The following MAB21L1 variants were observed in gnomAD, a reference collection of about 807,000 sequenced individuals.
MAB21L1 encodes the protein mab-21 like 1.
A neutral mutation model predicts 28.9 loss-of-function variants in MAB21L1; 8 were observed. The ratio of observed to expected loss-of-function variants is 0.28; its 90% CI spans 0.16 to 0.50. The LOEUF is 0.50. Among genes scored for constraint, MAB21L1 ranks in the 20% least tolerant of loss-of-function variants. The pLI is 0.98. For missense variants in MAB21L1, 388 were observed against 466.5 expected, an observed-to-expected ratio of 0.83 and a Z score of 1.55; for synonymous variants, 219 against 198.2, an observed-to-expected ratio of 1.10 and a Z score of -0.88.
In MAB21L1 at chr13:35,476,123, C is replaced by T. The variant is rs749061799; in HGVS notation, c.16G>A (p.Ala6Thr). 40 of 1,613,956 alleles carry T rather than the reference C, an allele frequency of 2.5e-5. No individual in the cohort carries two copies. The African/African-American group carries it at 4.9e-4, about 20-fold the overall frequency. MIAAQ[A>T]KLVYHLNKYY... ...TTATTCAGATGGTAGACCAGCTTGGCCTGGGCCGCAATCATGTTGGGGCAG... is the reference window on the plus strand; with the variant it reads ...TTATTCAGATGGTAGACCAGCTTGGTCTGGGCCGCAATCATGTTGGGGCAG... The change falls in exon 1 of 1, where the codon GCC (alanine) becomes ACC (threonine). Residue 6 changes from alanine to threonine, a missense_variant. Physicochemically the swap from Ala to Thr is moderately conservative, Grantham distance 58. This residue lies in a region of MAB21L1 where 89 missense variants were observed against 92.2 expected (regional missense o/e 0.97). Coordinates refer to ENST00000379919, the MANE Select transcript of MAB21L1 (RefSeq NM_005584.5).
chr13:35,476,484 C>G lies in MAB21L1; in HGVS notation c.-346G>C, dbSNP rs2075879340. 1 of 746,236 alleles carries G rather than the reference C, an allele frequency of 1.3e-6. No homozygotes were observed. The highest frequency in any genetic ancestry group is 2.2e-6 in the Non-Finnish European group (1 of 444,990). The allele number at this position is 746,236 out of a possible 1,614,324, so 46.2% of individuals were successfully genotyped here. A position where few individuals can be genotyped will look rare whatever the true frequency, so the allele number is the denominator to read the frequency against. On this transcript the variant is annotated 5_prime_UTR_variant, in exon 1 of 1. Transcript: ENST00000379919. ...GAACCGCATGGAGAGATCACCTTCT[C>G]AGGAATAAAAAACAAAAGTTGCGCT...
chr13:35,475,582 TG>T lies in MAB21L1; in HGVS notation c.556del (p.His186ThrfsTer72). 1 of 1,613,342 alleles carries T rather than the reference TG, an allele frequency of 6.2e-7. No individual in the cohort carries two copies. Among genetic ancestry groups the T allele is most frequent in the Non-Finnish European group, 8.5e-7 (1 of 1,179,888 alleles). On this transcript the variant is annotated frameshift_variant, in exon 1 of 1. Transcript: ENST00000379919. LOFTEE classifies it high-confidence loss of function. The stretch of plus-strand genomic sequence containing the variant: ...CCAGGGGATGTGGGGAAGTGGCCAG[TG>T]GGCAGCACTCCTCGGCCAGATCCCG... ...CTGIWPRSAA[H>X]WPLPHIPWPG...
Position 35,475,943 on chromosome 13 carries a change from G to T in MAB21L1, c.196C>A (p.Leu66Ile). 1.2e-6 allele frequency: 2 copies of T among 1,614,112 alleles called. No homozygotes were observed. Among genetic ancestry groups the T allele is most frequent in the South Asian group, 2.2e-5 (2 of 91,080 alleles). The change falls in exon 1 of 1, where the codon CTC becomes ATC. Residue 66 changes from leucine to isoleucine, a missense_variant. By Grantham distance (5) the Leu-to-Ile change is conservative. This residue lies in a region of MAB21L1 where 89 missense variants were observed against 92.2 expected (regional missense o/e 0.97). Transcript: ENST00000379919. ...AATTCGGTGGGGGAGATGACCTCGAGGCCCTCGTAGCGATTGTCCATCTCG... is the reference window on the plus strand; with the variant it reads ...AATTCGGTGGGGGAGATGACCTCGATGCCCTCGTAGCGATTGTCCATCTCG... ...LNEMDNRYEG[L>I]EVISPTEFEV...
Position 35,476,092 on chromosome 13 carries a change from T to C in MAB21L1, c.47A>G (p.Tyr16Cys). 6.2e-7 allele frequency: 1 copy of C among 1,614,188 alleles called. No individual in the cohort carries two copies. Among genetic ancestry groups the C allele is most frequent in the Non-Finnish European group, 8.5e-7 (1 of 1,180,038 alleles). Residue 16 changes from tyrosine (Y) to cysteine (C), a missense_variant, in exon 1 of 1, where the codon TAC becomes TGC. By Grantham distance (194) the Tyr-to-Cys change is radical (BLOSUM62 -2). Around this residue, in one of 3 missense-constraint regions of MAB21L1, gnomAD observed 89 missense variants for 92.2 expected, o/e 0.97. Coordinates refer to ENST00000379919, the MANE Select transcript of MAB21L1 (RefSeq NM_005584.5). ...AKLVYHLNKY[Y>C]NEKCQARKAA... is the part of the protein sequence containing the mutation. ...TTTCCTGGCTTGGCATTTTTCGTTG[T>C]AGTATTTATTCAGATGGTAGACCAG...
At position 35,475,074 on chromosome 13, in the gene MAB21L1, A is replaced by C; in HGVS notation, c.1065T>G (p.Ser355Arg). The C allele has an allele frequency of 6.2e-7, 1 of 1,610,882 alleles. No individual in the cohort carries two copies. The highest frequency in any genetic ancestry group is 8.5e-7 in the Non-Finnish European group (1 of 1,178,512). The change falls in exon 1 of 1, where the codon AGT (serine) becomes AGG (arginine). Residue 355 changes from serine (S) to arginine (R), a missense_variant. By Grantham distance (110) the Ser-to-Arg change is moderately radical. This residue lies in a region of MAB21L1 where 218 missense variants were observed against 220.6 expected (regional missense o/e 0.99). Coordinates refer to ENST00000379919, the MANE Select transcript of MAB21L1 (RefSeq NM_005584.5). ...AAATCATCCTCTAAAGTTTTTCCAA[A>C]CTTTTCGGGTTGGTCAGGATCTCTC... ...LAREILTNPK[S>R]LEKL
chr13:35,476,627 G>T lies in MAB21L1; in HGVS notation c.-489C>A. On this transcript the variant is annotated 5_prime_UTR_variant, in exon 1 of 1. Coordinates refer to ENST00000379919, the MANE Select transcript of MAB21L1 (RefSeq NM_005584.5). ...TAATCAAATGGAGGAAAAGTGTGCT[G>T]AGTGTGTGTCCGGGGTGAGTGTGCG... The T allele has an allele frequency of 2.0e-6, 1 of 505,402 alleles. No individual in the cohort carries two copies. Among genetic ancestry groups the T allele is most frequent in the Non-Finnish European group, 3.6e-6 (1 of 281,128 alleles). 31.3% of individuals were successfully genotyped at this position (505,402 alleles called of 1,614,324 possible). A position where few individuals can be genotyped will look rare whatever the true frequency, so the allele number is the denominator to read the frequency against.
Position 35,474,913 on chromosome 13 carries a change from T to G in MAB21L1, c.*146A>C. On this transcript the variant is annotated 3_prime_UTR_variant, in exon 1 of 1. Coordinates refer to ENST00000379919, the MANE Select transcript of MAB21L1 (RefSeq NM_005584.5). ...TCTCCCCTTGTGGGGGTGGGTGAGA[T>G]GATGTTTAAATATTGTATTATTATT... The G allele has an allele frequency of 3.9e-6, 4 of 1,016,418 alleles. No homozygotes were observed. In the South Asian group the frequency reaches 5.3e-5, roughly 13 times the overall value. The allele number at this position is 1,016,418 out of a possible 1,614,324, so 63.0% of individuals were successfully genotyped here.
In MAB21L1 at chr13:35,474,989, T is replaced by C; in HGVS notation, c.*70A>G. The C allele has an allele frequency of 6.7e-7, 1 of 1,489,016 alleles. No individual in the cohort carries two copies. Among genetic ancestry groups the C allele is most frequent in the Non-Finnish European group, 9.1e-7 (1 of 1,099,696 alleles). 92.2% of individuals were successfully genotyped at this position (1,489,016 alleles called of 1,614,324 possible). ...CACTGCGGAGTGGAATATTAGGAAT[T>C]GAACAGAAGTTTACACTTAATAAGG... On this transcript the variant is annotated 3_prime_UTR_variant, in exon 1 of 1. Transcript: ENST00000379919.
chr13:35,475,753 C>A lies in MAB21L1; in HGVS notation c.386G>T (p.Arg129Leu), dbSNP rs2075835447. 6.2e-7 allele frequency: 1 copy of A among 1,613,796 alleles called. No individual in the cohort carries two copies. The highest frequency in any genetic ancestry group is 8.5e-7 in the Non-Finnish European group (1 of 1,179,978). The change falls in exon 1 of 1, where the codon CGG (arginine) becomes CTG (leucine). Residue 129 changes from arginine to leucine, a missense_variant. By Grantham distance (102) the Arg-to-Leu change is moderately radical. This residue lies in a region of MAB21L1 where 81 missense variants were observed against 153.7 expected (regional missense o/e 0.53). Coordinates refer to ENST00000379919, the MANE Select transcript of MAB21L1 (RefSeq NM_005584.5). ...ASGYLSARKI[R>L]SRFQTLVAQA... ...AGCCACCAGCGTCTGAAACCTGGAC[C>A]GGATTTTGCGCGCCGAGAGGTAGCC...
In MAB21L1 at chr13:35,475,523, C is replaced by A; in HGVS notation, c.616G>T (p.Glu206Ter). The A allele has an allele frequency of 6.2e-7, 1 of 1,612,814 alleles. No homozygotes were observed. Among genetic ancestry groups the A allele is most frequent in the Non-Finnish European group, 8.5e-7 (1 of 1,179,958 alleles). Residue 206 changes from glutamate (E) to a stop codon, truncating the protein, a stop_gained, in exon 1 of 1, where the codon GAA becomes TAA. Coordinates refer to ENST00000379919, the MANE Select transcript of MAB21L1 (RefSeq NM_005584.5). LOFTEE classifies it high-confidence loss of function. ...TCCTTGGACAAGAGATTGAAACCTTCCGCCTTGACCTCCGCCACCCGGTTG... is the reference window on the plus strand; with the variant it reads ...TCCTTGGACAAGAGATTGAAACCTTACGCCTTGACCTCCGCCACCCGGTTG... ...GPNRVAEVKA[E>*]GFNLLSKECH...
chr13:35,475,829 C>T lies in MAB21L1; in HGVS notation c.310G>A (p.Asp104Asn). Reference sequence around the variant, plus strand: ...AGGGACATGCTCCTCTTGCGCCCGTCGCTCAACTTCAGCACCGCGCAGCCG... The same window carrying T: ...AGGGACATGCTCCTCTTGCGCCCGTTGCTCAACTTCAGCACCGCGCAGCCG... ...LPGCAVLKLS[D>N]GRKRSMSLWV... is the part of the protein sequence containing the mutation. Residue 104 changes from aspartate to asparagine, a missense_variant, in exon 1 of 1, where the codon GAC becomes AAC. Around this residue, in one of 3 missense-constraint regions of MAB21L1, gnomAD observed 81 missense variants for 153.7 expected, o/e 0.53. Transcript: ENST00000379919. The T allele has an allele frequency of 6.2e-7, 1 of 1,614,034 alleles. No homozygotes were observed. Among genetic ancestry groups the T allele is most frequent in the Non-Finnish European group, 8.5e-7 (1 of 1,180,020 alleles).
chr13:35,476,169 A>G lies in MAB21L1; in HGVS notation c.-31T>C, dbSNP rs764314632. ...GGCAGAGATCCGGATTGTACACCGG[A>G]GTCTCGCAGTAAGCTGTGGGATCCA... On this transcript the variant is annotated 5_prime_UTR_variant, in exon 1 of 1. Coordinates refer to ENST00000379919, the MANE Select transcript of MAB21L1 (RefSeq NM_005584.5). The G allele has an allele frequency of 1.2e-6, 2 of 1,612,090 alleles. No individual in the cohort carries two copies. Among genetic ancestry groups the G allele is most frequent in the Non-Finnish European group, 1.7e-6 (2 of 1,178,444 alleles).
chr13:35,475,273 G>C lies in MAB21L1; in HGVS notation c.866C>G (p.Ser289Trp). 1 of 1,614,020 alleles carries C rather than the reference G, an allele frequency of 6.2e-7. No individual in the cohort carries two copies. The highest frequency in any genetic ancestry group is 8.5e-7 in the Non-Finnish European group (1 of 1,180,008). ...ACCCAGGCAAGACTCGTCCCAGTCC[G>C]ACTCTCGGGGATGCTTTTCACACTC... ...SYECEKHPRE[S>W]DWDESCLGDR... The change falls in exon 1 of 1, where the codon TCG becomes TGG. Residue 289 changes from serine (S) to tryptophan (W), a missense_variant. This residue lies in a region of MAB21L1 where 218 missense variants were observed against 220.6 expected (regional missense o/e 0.99). Transcript: ENST00000379919.
In MAB21L1 at chr13:35,475,757, T is replaced by C. The variant is rs1473342982; in HGVS notation, c.382A>G (p.Ile128Val). ...TASGYLSARKIRSRFQTLVAQ... is the reference protein window; with the variant it reads ...TASGYLSARKVRSRFQTLVAQ... ...ACCAGCGTCTGAAACCTGGACCGGA[T>C]TTTGCGCGCCGAGAGGTAGCCGGAG... Residue 128 changes from isoleucine to valine, a missense_variant, in exon 1 of 1, where the codon ATC becomes GTC. By Grantham distance (29) the Ile-to-Val change is conservative (BLOSUM62 3). Transcript: ENST00000379919. The C allele has an allele frequency of 6.2e-7, 1 of 1,613,812 alleles. No individual in the cohort carries two copies. The highest frequency in any genetic ancestry group is 2.2e-5 in the East Asian group (1 of 44,802).
At position 35,474,952 on chromosome 13, in the gene MAB21L1, A is replaced by C; in HGVS notation, c.*107T>G. On this transcript the variant is annotated 3_prime_UTR_variant, in exon 1 of 1. Coordinates refer to ENST00000379919, the MANE Select transcript of MAB21L1 (RefSeq NM_005584.5). ...TGTATTATTATTCCTTTTTAAAGGAAGAGATTGTTTGCACTGCGGAGTGGA... is the reference window on the plus strand; with the variant it reads ...TGTATTATTATTCCTTTTTAAAGGACGAGATTGTTTGCACTGCGGAGTGGA... 68 of 1,204,958 alleles carry C rather than the reference A, an allele frequency of 5.6e-5. No homozygotes were observed. Among genetic ancestry groups the C allele is most frequent in the Non-Finnish European group, 6.9e-5 (59 of 851,794 alleles). 74.6% of individuals were successfully genotyped at this position (1,204,958 alleles called of 1,614,324 possible). A position where few individuals can be genotyped will look rare whatever the true frequency, so the allele number is the denominator to read the frequency against.
At position 35,475,963 on chromosome 13, in the gene MAB21L1, A is replaced by T; in HGVS notation, c.176T>A (p.Met59Lys). The T allele has an allele frequency of 6.2e-7, 1 of 1,614,170 alleles. No homozygotes were observed. Among genetic ancestry groups the T allele is most frequent in the Non-Finnish European group, 8.5e-7 (1 of 1,180,036 alleles). ...CTCGAGGCCCTCGTAGCGATTGTCCATCTCGTTGAGAGAGCTGATGAACCG... is the reference window on the plus strand; with the variant it reads ...CTCGAGGCCCTCGTAGCGATTGTCCTTCTCGTTGAGAGAGCTGATGAACCG... ...EPRFISSLNE[M>K]DNRYEGLEVI... Residue 59 changes from methionine to lysine, a missense_variant, in exon 1 of 1, where the codon ATG becomes AAG. Around this residue, in one of 3 missense-constraint regions of MAB21L1, gnomAD observed 89 missense variants for 92.2 expected, o/e 0.97. Transcript: ENST00000379919.
Position 35,475,677 on chromosome 13 carries a change from G to A in MAB21L1, c.462C>T (p.Asp154=), listed in dbSNP as rs561105569. Reference sequence around the variant, plus strand: ...GGATTCTCAGTTTCACTTCGCTGGTGTCTGCCACCATCTTTACCACATCCC... The same window carrying A: ...GGATTCTCAGTTTCACTTCGCTGGTATCTGCCACCATCTTTACCACATCCC... ...SYRDVVKMVA[D]TSEVKLRIRD... Residue 154 remains aspartate, a synonymous_variant, in exon 1 of 1, where the codon GAC becomes GAT. Coordinates refer to ENST00000379919, the MANE Select transcript of MAB21L1 (RefSeq NM_005584.5). The A allele has an allele frequency of 3.2e-5, 52 of 1,613,840 alleles. 1 individual carries two copies. In the South Asian group the frequency reaches 5.6e-4, roughly 17 times the overall value.
rs2075859096 is a variant in MAB21L1, at chr13:35,476,240, G to A, written c.-102C>T. 4.5e-6 allele frequency: 7 copies of A among 1,559,246 alleles called. No homozygotes were observed. In the South Asian group the frequency reaches 7.8e-5, roughly 17 times the overall value. On this transcript the variant is annotated 5_prime_UTR_variant, in exon 1 of 1. Transcript: ENST00000379919. ...GCCAACTTCGGTGGAGAAACGGGCCGCAACACTCAGAAATGGATCAAAAAT... is the reference window on the plus strand; with the variant it reads ...GCCAACTTCGGTGGAGAAACGGGCCACAACACTCAGAAATGGATCAAAAAT...
chr13:35,474,358 T>G lies in MAB21L1; in HGVS notation c.*701A>C, dbSNP rs2075774436. ...GTTATTATATAAGCTGAATTCAAAT[T>G]TCTTTGAATATATTTAAATAACATT... On this transcript the variant is annotated 3_prime_UTR_variant, in exon 1 of 1. Transcript: ENST00000379919. The G allele has an allele frequency of 6.6e-6, 1 of 152,618 alleles. No homozygotes were observed. Among genetic ancestry groups the G allele is most frequent in the African/African-American group, 2.4e-5 (1 of 41,458 alleles). 9.5% of individuals were successfully genotyped at this position (152,618 alleles called of 1,614,324 possible).
Sources: gnomAD v4.1 joint callset for allele counts on GRCh38, gnomAD v4.1.1 for gene constraint, gnomAD v4.1.1 regional missense constraint, MANE v1.5 for transcripts, NCBI Gene and HGNC (gene_info 2026-07-23, HGNC 2026-07-21) for gene names.